Variants in ZNF326 observed in about 807,000 individuals in gnomAD.
ZNF326 encodes the protein zinc finger protein 326.
ZNF326 carries 30 observed loss-of-function variants against 63.1 expected under a neutral mutation model. The observed-to-expected ratio is 0.48, with a 90% CI of 0.36 to 0.64. The LOEUF is 0.64. Among genes scored for constraint, ZNF326 ranks in the 30% least tolerant of loss-of-function variants. ZNF326 has a pLI of 0.00. For synonymous variants in ZNF326, 194 were observed against 228.2 expected (o/e 0.85, Z 1.35); for missense variants, 609 against 720.3 (o/e 0.85, Z 1.77).
At chr1:90,011,436 TATAA>T (rs1223475122) in intron 6 of ZNF326, among the ~76,000 whole-genome samples, 2 of 151,334 alleles carry the variant, frequency 1.3e-5, no homozygotes, top group Non-Finnish European at 1.5e-5. Flanking sequence ...TGAGGTAATA[TATAA>T]ATAAGTAGAT....
At position 90,030,347 on chromosome 1, in the gene ZNF326, T is replaced by G. The variant is rs956410174; in HGVS notation, c.*2646T>G. ...GATGATGTTAATCTCATGCTTTTTT[T>G]TTTTTTGTACCTATACAGTTAGAAC... On this transcript the variant is annotated 3_prime_UTR_variant, in exon 12 of 12. Transcript: ENST00000340281. The G allele has an allele frequency of 1.3e-5, 2 of 152,174 alleles. No individual in the cohort carries two copies. Among genetic ancestry groups the G allele is most frequent in the Non-Finnish European group, 2.9e-5 (2 of 68,024 alleles). 9.4% of individuals were successfully genotyped at this position (152,174 alleles called of 1,614,324 possible). A position where few individuals can be genotyped will look rare whatever the true frequency, so the allele number is the denominator to read the frequency against.
intron 1 of ZNF326, among the ~76,000 whole-genome samples, chr1:89,995,601 T>C (rs2101042218): frequency 6.6e-6 from 1 of 152,366 alleles, no homozygotes; most frequent in East Asian, 1.9e-4. Flanking sequence ...AACTTCCCGG[T>C]CTCGGGCAAA....
Position 90,007,124 on chromosome 1 carries a change from T to C in ZNF326, c.210-221T>C, listed in dbSNP as rs1387179711. Among the ~76,000 whole-genome samples the C allele has an allele frequency of 5.3e-5, 8 of 152,240 alleles. No individual in the cohort carries two copies. Among genetic ancestry groups the C allele is most frequent in the Non-Finnish European group, 1.2e-4 (8 of 68,040 alleles). On this transcript the variant is annotated intron_variant, in intron 4 of 11. Transcript: ENST00000340281. This position sits in a 1 kb window ranked among gnomAD's most constrained non-coding sequence, Gnocchi z 4.9. ...AGCAGATTTTAAAGCTAAGTTTTACTAAACTCAATTCATATTTATAATCTG... is the reference window on the plus strand; with the variant it reads ...AGCAGATTTTAAAGCTAAGTTTTACCAAACTCAATTCATATTTATAATCTG...
At chr1:90,000,524 C>T (rs1648623860) in intron 2 of ZNF326, among the ~76,000 whole-genome samples, 2 of 152,124 alleles carry the variant, frequency 1.3e-5, no homozygotes, top group African/African-American at 4.8e-5. Flanking sequence ...CATAGTGAGA[C>T]CCTGTCTCTA....
rs770760750 is a variant in ZNF326, at chr1:90,031,053, C to G, written c.*3352C>G. 2 of 152,174 alleles carry G rather than the reference C, an allele frequency of 1.3e-5. No homozygotes were observed. The highest frequency in any genetic ancestry group is 2.9e-5 in the Non-Finnish European group (2 of 68,034). 9.4% of individuals were successfully genotyped at this position (152,174 alleles called of 1,614,324 possible). A position where few individuals can be genotyped will look rare whatever the true frequency, so the allele number is the denominator to read the frequency against. ...TGAGGACATTCATAGGGCCCTCATA[C>G]AAATTTCTGGTGCCTGTAACTCTTC... On this transcript the variant is annotated 3_prime_UTR_variant, in exon 12 of 12. Coordinates refer to ENST00000340281, the MANE Select transcript of ZNF326 (RefSeq NM_182976.4).
intron 2 of ZNF326, among the ~76,000 whole-genome samples, chr1:90,001,859 A>G (rs1648701682): frequency 6.6e-6 from 1 of 152,088 alleles, no homozygotes; most frequent in African/African-American, 2.4e-5. Flanking sequence ...TGCCCAGCCC[A>G]TAGGTCAGTT....
At position 90,005,137 on chromosome 1, in the gene ZNF326, G is replaced by A; in HGVS notation, c.102G>A (p.Met34Ile). ...RDYGPGSYGG[M>I]DRDYGHGSYG... ...TTTCTTTTTAAACTCTTATAGGGAT[G>A]GATCGTGACTATGGCCATGGATCCT... The change falls in exon 4 of 12, where the codon ATG becomes ATA. Residue 34 changes from methionine to isoleucine, a missense_variant. This residue lies in a region of ZNF326 where 97 missense variants were observed against 88.7 expected (regional missense o/e 1.09). Coordinates refer to ENST00000340281, the MANE Select transcript of ZNF326 (RefSeq NM_182976.4). The A allele has an allele frequency of 6.2e-7, 1 of 1,613,938 alleles. No homozygotes were observed. Among genetic ancestry groups the A allele is most frequent in the Non-Finnish European group, 8.5e-7 (1 of 1,179,972 alleles).
At chr1:90,011,355 A>T (rs528654847) in intron 6 of ZNF326, among the ~76,000 whole-genome samples, 1 of 152,160 alleles carries the variant, frequency 6.6e-6, no homozygotes, top group Non-Finnish European at 1.5e-5. Flanking sequence ...AAGGAACCCT[A>T]TTCTGTCACT....
At position 89,995,132 on chromosome 1, in the gene ZNF326, C is replaced by T. The variant is rs1396023950; in HGVS notation, c.-126C>T. 1.2e-5 allele frequency: 15 copies of T among 1,228,204 alleles called. No individual in the cohort carries two copies. Among genetic ancestry groups the T allele is most frequent in the Admixed American group, 2.3e-5 (1 of 43,304 alleles). The allele number at this position is 1,228,204 out of a possible 1,614,324, so 76.1% of individuals were successfully genotyped here. On this transcript the variant is annotated 5_prime_UTR_variant, in exon 1 of 12. Coordinates refer to ENST00000340281, the MANE Select transcript of ZNF326 (RefSeq NM_182976.4). ...CCCAGCCTCGCTGTGGCCTGCGGCT[C>T]CCGGGCTGGTAGCGCGCCGCTCTCG...
chr1:89,995,976 A>G (rs1648348622), intron 1 of ZNF326, among the ~76,000 whole-genome samples: 1 of 152,232 alleles, frequency 6.6e-6, no homozygotes, highest in African/African-American at 2.4e-5. Flanking sequence ...GAATTTTGGC[A>G]CAGCAAGCAT....
At chr1:90,011,684 T>C (rs1295245559) in intron 6 of ZNF326, among the ~76,000 whole-genome samples, 1 of 152,028 alleles carries the variant, frequency 6.6e-6, no homozygotes, top group Non-Finnish European at 1.5e-5. Context: ...ACATTACTGA[T>C]GGGAATGTAA....
Position 89,998,139 on chromosome 1 carries a change from T to C in ZNF326, c.46T>C (p.Tyr16His). 6.2e-7 allele frequency: 1 copy of C among 1,613,306 alleles called. No homozygotes were observed. Among genetic ancestry groups the C allele is most frequent in the South Asian group, 1.1e-5 (1 of 90,994 alleles). Residue 16 changes from tyrosine (Y) to histidine (H), a missense_variant, in exon 2 of 12, where the codon TAT (tyrosine) becomes CAT (histidine). Physicochemically the swap from Tyr to His is moderately conservative, Grantham distance 83 (BLOSUM62 2). This residue lies in a region of ZNF326 where 97 missense variants were observed against 88.7 expected (regional missense o/e 1.09). Coordinates refer to ENST00000340281, the MANE Select transcript of ZNF326 (RefSeq NM_182976.4). ...DYTHSACRNT[Y>H]QGFNGMDRDY... ...CACACACTCCGCCTGCAGGAATACT[T>C]ATCAGGGCTTTAATGGTAAGTATCC...
intron 2 of ZNF326, among the ~76,000 whole-genome samples, chr1:90,001,078 G>A (rs1044989415): frequency 6.6e-6 from 1 of 152,164 alleles, no homozygotes; most frequent in Non-Finnish European, 1.5e-5. Flanking sequence ...ATTTTTTGTT[G>A]TAGGGGGATG....
chr1:90,014,916 C>T (rs573811345), intron 7 of ZNF326, among the ~76,000 whole-genome samples: 6 of 151,972 alleles, frequency 3.9e-5, no homozygotes, highest in African/African-American at 1.4e-4. Flanking sequence ...AATTTAATTG[C>T]CCTATGAGTA....
In ZNF326 at chr1:90,005,227, TGGTGGTGGG is replaced by T; in HGVS notation, c.196_204del (p.Gly66_Gly68del). On this transcript the variant is annotated inframe_deletion, in exon 4 of 12. Coordinates refer to ENST00000340281, the MANE Select transcript of ZNF326 (RefSeq NM_182976.4). ...CATATGGCATGGACAATCACAGTGG[TGGTGGTGGG>T]GGTAGCAGGTAAATTGCTTAATCAT... The T allele has an allele frequency of 6.2e-7, 1 of 1,613,340 alleles. No individual in the cohort carries two copies. Among genetic ancestry groups the T allele is most frequent in the Non-Finnish European group, 8.5e-7 (1 of 1,179,808 alleles).
At chr1:90,011,090 T>C (rs1286036974) in intron 6 of ZNF326, among the ~76,000 whole-genome samples, 1 of 152,194 alleles carries the variant, frequency 6.6e-6, no homozygotes, top group Non-Finnish European at 1.5e-5. Flanking sequence ...GGTTAAATAT[T>C]GCAAAAGTTT....
Position 90,007,620 on chromosome 1 carries a change from C to T in ZNF326, c.485C>T (p.Ser162Leu). 6.3e-7 allele frequency: 1 copy of T among 1,597,356 alleles called. No homozygotes were observed. Among genetic ancestry groups the T allele is most frequent in the Non-Finnish European group, 8.5e-7 (1 of 1,170,848 alleles). The change falls in exon 5 of 12, where the codon TCA becomes TTA. Residue 162 changes from serine (S) to leucine (L), a missense_variant. Ser to Leu is a moderately radical substitution (Grantham distance 145). Around this residue, in one of 3 missense-constraint regions of ZNF326, gnomAD observed 113 missense variants for 187.4 expected, o/e 0.60. Transcript: ENST00000340281. This position sits in a 1 kb window ranked among gnomAD's most constrained non-coding sequence, Gnocchi z 4.9. ...TACTCTTCCTACAGCAGTTTTTCTT[C>T]ACCCCATATGAAGCCTGCACCTGTA... ...ENYSSYSSFS[S>L]PHMKPAPVGS... is the part of the protein sequence containing the mutation.
intron 2 of ZNF326, among the ~76,000 whole-genome samples, chr1:90,002,147 C>T (rs1382015620): frequency 6.6e-6 from 1 of 152,062 alleles, no homozygotes; most frequent in African/African-American, 2.4e-5. Context: ...TTATCTGTAG[C>T]CCTATAACTA....
rs773805469 is a variant in ZNF326, at chr1:90,027,566, A to G, written c.1614A>G (p.Val538=). 1 of 1,600,632 alleles carries G rather than the reference A, an allele frequency of 6.2e-7. No homozygotes were observed. The highest frequency in any genetic ancestry group is 8.5e-7 in the Non-Finnish European group (1 of 1,171,230). ...AGGGCGAGGGAAATATACAGGGAGT[A>G]GGGGAAGGAGGGGAAGTAGGGGTAG... ...GIEGEGNIQG[V]GEGGEVGVVG... Residue 538 remains valine, a synonymous_variant, in exon 12 of 12, where the codon GTA becomes GTG. Coordinates refer to ENST00000340281, the MANE Select transcript of ZNF326 (RefSeq NM_182976.4).
Sources: allele counts gnomAD v4.1 joint callset (sites outside exome capture counted in the v4.1 genomes callset), GRCh38; gene constraint gnomAD v4.1.1; regional missense constraint gnomAD v4.1.1; non-coding constraint Gnocchi (gnomAD v3.1); transcripts MANE v1.5; gene names NCBI Gene and HGNC (gene_info 2026-07-23, HGNC 2026-07-21).